THSD7B: variants seen among roughly 807,000 people sequenced by gnomAD.
The protein encoded by THSD7B is thrombospondin type 1 domain containing 7B.
THSD7B carries 138 observed loss-of-function variants against 213.6 expected under a neutral mutation model. That is an observed-to-expected ratio of 0.65 (90% CI 0.56 to 0.74). The LOEUF (loss-of-function observed/expected upper bound fraction) is 0.74. THSD7B is among the 30% of genes least tolerant of loss of function. The pLI is 0.00. For synonymous variants in THSD7B, 742 were observed against 687.0 expected, an observed-to-expected ratio of 1.08 and a Z score of -1.25; for missense variants, 1,931 against 1,991.5, an observed-to-expected ratio of 0.97 and a Z score of 0.58.
chr2:136,844,783 C>T (rs1682981864), intron 1 of THSD7B, among the ~76,000 whole-genome samples: 1 of 152,180 alleles, frequency 6.6e-6, no homozygotes, highest in Non-Finnish European at 1.5e-5. Flanking sequence ...AGGTCATGCC[C>T]AGTTCAGGGC....
In THSD7B at chr2:137,200,966, G is replaced by A. The variant is rs954607419; in HGVS notation, c.1723+30028G>A. On this transcript the variant is annotated intron_variant, in intron 7 of 27. Coordinates refer to ENST00000409968, the MANE Select transcript of THSD7B (RefSeq NM_001316349.2). ...TTATAGGTATAGAGCCACTCACCCA[G>A]CAAAACCTGTATTTTGATTTGTAAC... 5.3e-5 allele frequency among the ~76,000 whole-genome samples: 8 copies of A among 150,858 alleles called. No homozygotes were observed. In the South Asian group the frequency reaches 1.7e-3, roughly 32 times the overall value.
chr2:137,243,171 CT>C (rs1366821726), intron 10 of THSD7B, among the ~76,000 whole-genome samples: 8 of 152,272 alleles, frequency 5.3e-5, no homozygotes, highest in African/African-American at 1.9e-4. Flanking sequence ...GGAGTATATG[CT>C]AAAGTGATCC....
rs1358575704 is a variant in THSD7B at position 137,146,806 on chromosome 2, TACTG to T, written c.1370-13405_1370-13402del. The stretch of plus-strand genomic sequence containing the variant: ...TTAGGAAAAAAATGTTTACAAAAAT[TACTG>T]AGGGAGGAGATCATGAAGCTTAGGT... On this transcript the variant is annotated intron_variant, in intron 5 of 27. Transcript: ENST00000409968. Among the ~76,000 whole-genome samples, 3 of 152,210 alleles carry T rather than the reference TACTG, an allele frequency of 2.0e-5. No homozygotes were observed. In the East Asian group the frequency reaches 5.8e-4, roughly 29 times the overall value.
At chr2:137,290,423 C>T (rs947060604) in intron 12 of THSD7B, among the ~76,000 whole-genome samples, 10 of 152,120 alleles carry the variant, frequency 6.6e-5, no homozygotes, top group Admixed American at 1.3e-4. Context: ...CGTAACTCTA[C>T]TCCTGTTTTG....
intron 1 of THSD7B, among the ~76,000 whole-genome samples, chr2:136,834,106 TG>T (rs1682806918): frequency 6.6e-6 from 1 of 152,186 alleles, no homozygotes; most frequent in Admixed American, 6.5e-5. Flanking sequence ...AATATTTCCA[TG>T]TTGTTTGGTA....
At chr2:136,769,230 G>C (rs562425626) in intron 1 of THSD7B, among the ~76,000 whole-genome samples, 6 of 152,210 alleles carry the variant, frequency 3.9e-5, no homozygotes, top group African/African-American at 1.4e-4. Flanking sequence ...CTTGACAAAA[G>C]GAAATAGGAA....
intron 16 of THSD7B, among the ~76,000 whole-genome samples, chr2:137,564,825 A>G (rs1681201602): frequency 6.6e-6 from 1 of 152,174 alleles, no homozygotes; most frequent in South Asian, 2.1e-4. Flanking sequence ...TATAATAACT[A>G]TGAAGCATTA....
At chr2:137,173,874 C>T (rs1573867537) in intron 7 of THSD7B, among the ~76,000 whole-genome samples, 1 of 152,164 alleles carries the variant, frequency 6.6e-6, no homozygotes, top group Non-Finnish European at 1.5e-5. Flanking sequence ...CAGGAGTTGA[C>T]AGAACTGTTG....
In THSD7B at chr2:137,056,817, T is replaced by G. The variant is rs765402149; in HGVS notation, c.537T>G (p.Asp179Glu). Residue 179 changes from aspartate to glutamate, a missense_variant, in exon 3 of 28, where the codon GAT (aspartate) becomes GAG (glutamate). By Grantham distance (45) the Asp-to-Glu change is conservative (BLOSUM62 2). Transcript: ENST00000409968. ...CTTGCCTCATTCCTTGTCCCCGGGA[T>G]TGTGTAGTATCTGAGTTCTTACCAT... ...EQACLIPCPRDCVVSEFLPWS... is the reference protein window; with the variant it reads ...EQACLIPCPRECVVSEFLPWS... 2 of 1,613,902 alleles carry G rather than the reference T, an allele frequency of 1.2e-6. No homozygotes were observed. The highest frequency in any genetic ancestry group is 1.7e-6 in the Non-Finnish European group (2 of 1,179,868).
At chr2:137,506,586 T>C (rs998479387) in intron 15 of THSD7B, among the ~76,000 whole-genome samples, 1 of 152,226 alleles carries the variant, frequency 6.6e-6, no homozygotes, top group African/African-American at 2.4e-5. Flanking sequence ...GACACATAGA[T>C]AACTACTCAG....
At chr2:137,083,417 A>T (rs1021422421) in intron 3 of THSD7B, among the ~76,000 whole-genome samples, 16 of 152,156 alleles carry the variant, frequency 1.1e-4, no homozygotes, top group African/African-American at 3.6e-4. Context: ...TAAAACTCTT[A>T]TTCAAATACC....
At chr2:137,160,510 T>C in intron 6 of THSD7B, 142 bp downstream of exon 6, 1 of 1,110,556 alleles carries the variant, frequency 9.0e-7, no homozygotes, top group Non-Finnish European at 1.3e-6. Flanking sequence ...CGGTATTCAG[T>C]TTTAGGGAGG....
intron 12 of THSD7B, among the ~76,000 whole-genome samples, chr2:137,329,884 C>T (rs1316143147): frequency 6.6e-6 from 1 of 152,096 alleles, no homozygotes; most frequent in African/African-American, 2.4e-5. Flanking sequence ...TTGTGGCAGC[C>T]CCTGTCATCA....
chr2:137,636,752 A>G (rs1430875146), intron 20 of THSD7B, among the ~76,000 whole-genome samples: 3 of 152,240 alleles, frequency 2.0e-5, no homozygotes, highest in African/African-American at 7.2e-5. Context: ...ATGTAGTCAT[A>G]TCATTTACTA....
At chr2:137,241,770 G>T (rs578208749) in intron 9 of THSD7B, among the ~76,000 whole-genome samples, 1 of 151,996 alleles carries the variant, frequency 6.6e-6, no homozygotes, top group Non-Finnish European at 1.5e-5. Context: ...AATTAGCCAG[G>T]CATGATGGTG....
At chr2:137,349,844 A>G (rs1249739278) in intron 12 of THSD7B, among the ~76,000 whole-genome samples, 1 of 151,822 alleles carries the variant, frequency 6.6e-6, no homozygotes, top group Non-Finnish European at 1.5e-5. Flanking sequence ...AGAGATTAAG[A>G]GGGAAAAAAT....
At chr2:136,952,352 T>C (rs1685050836) in intron 2 of THSD7B, among the ~76,000 whole-genome samples, 1 of 151,968 alleles carries the variant, frequency 6.6e-6, no homozygotes, top group Admixed American at 6.6e-5. Flanking sequence ...TGCCCTTGAA[T>C]ATGAGTAATG....
intron 12 of THSD7B, among the ~76,000 whole-genome samples, chr2:137,346,390 C>T (rs1047864499): frequency 1.3e-5 from 2 of 151,398 alleles, no homozygotes; most frequent in Admixed American, 6.6e-5. Context: ...CAGGTTCATT[C>T]GTGTTGTAAC....
intron 12 of THSD7B, among the ~76,000 whole-genome samples, chr2:137,392,624 C>T (rs111594442): frequency 6.6e-6 from 1 of 151,996 alleles, no homozygotes; most frequent in Non-Finnish European, 1.5e-5. Flanking sequence ...TTCTTTCTGT[C>T]CATATGTGTC....
Sources: allele counts gnomAD v4.1 joint callset (sites outside exome capture counted in the v4.1 genomes callset), GRCh38; gene constraint gnomAD v4.1.1; transcripts MANE v1.5; gene names NCBI Gene and HGNC (gene_info 2026-07-23, HGNC 2026-07-21).